PCCB: variants seen among roughly 807,000 people sequenced by gnomAD.
The protein encoded by PCCB is propionyl-CoA carboxylase beta chain, mitochondrial.
In PCCB, 43 loss-of-function variants were observed where a neutral mutation model predicts 60.7. The ratio of observed to expected loss-of-function variants is 0.71; its 90% CI spans 0.55 to 0.91. PCCB has a LOEUF of 0.91. Among genes scored for constraint, PCCB ranks in the 40% least tolerant of loss-of-function variants. PCCB has a pLI of 0.00. For missense variants in PCCB, 766 were observed against 702.8 expected (o/e 1.09, Z -1.02); for synonymous variants, 276 against 255.9 (o/e 1.08, Z -0.75).
At chr3:136,299,490 ATATGCATGTGTATGTATAGG>A (rs1327823896) in intron 8 of PCCB, among the ~76,000 whole-genome samples, 1 of 149,124 alleles carries the variant, frequency 6.7e-6, no homozygotes, top group African/African-American at 2.5e-5. Context: ...GTATGTATGT[ATATGCATGTGTATGTATAGG>A]TATGCATGTG....
At position 136,268,065 on chromosome 3, in the gene PCCB, C is replaced by CGTGTGT. The variant is rs111625326; in HGVS notation, c.543+6015_543+6020dup. 9.6e-4 allele frequency among the ~76,000 whole-genome samples: 75 copies of CGTGTGT among 78,440 alleles called. 1 individual carries two copies. The highest frequency in any genetic ancestry group is 4.2e-3 in the African/African-American group (64 of 15,278). The allele number at this position is 78,440 out of a possible 152,430, so 51.5% of individuals were successfully genotyped here. A position where few individuals can be genotyped will look rare whatever the true frequency, so the allele number is the denominator to read the frequency against. ...AACCTGGCTAGTGTGTGTGTGTGTG[C>CGTGTGT]GTGTGTGTGTGTGTGTGTGTAGATA... On this transcript the variant is annotated intron_variant, in intron 5 of 14. Coordinates refer to ENST00000251654, the MANE Select transcript of PCCB (RefSeq NM_000532.5).
chr3:136,262,938 T>G (rs1054971338), intron 5 of PCCB, among the ~76,000 whole-genome samples: 1 of 150,676 alleles, frequency 6.6e-6, no homozygotes, highest in African/African-American at 2.4e-5. Context: ...AATACATCTT[T>G]ATGGGTCTGG....
At chr3:136,284,535 T>C (rs990494693) in intron 6 of PCCB, among the ~76,000 whole-genome samples, 2 of 152,210 alleles carry the variant, frequency 1.3e-5, no homozygotes, top group African/African-American at 4.8e-5. Flanking sequence ...CAGCCTTTTC[T>C]TCTTAAAATA....
At chr3:136,280,497 C>T (rs557161635) in intron 5 of PCCB, among the ~76,000 whole-genome samples, 6 of 152,140 alleles carry the variant, frequency 3.9e-5, no homozygotes, top group Non-Finnish European at 8.8e-5. Context: ...AGGCATGCAC[C>T]ACCATGCCTA....
rs1392688344 is a variant in PCCB at position 136,283,966 on chromosome 3, T to C, written c.654+19T>C. 6.8e-7 allele frequency: 1 copy of C among 1,475,764 alleles called. No homozygotes were observed. Among genetic ancestry groups the C allele is most frequent in the African/African-American group, 1.4e-5 (1 of 72,306 alleles). 91.4% of individuals were successfully genotyped at this position (1,475,764 alleles called of 1,614,324 possible). A position where few individuals can be genotyped will look rare whatever the true frequency, so the allele number is the denominator to read the frequency against. On this transcript the variant is annotated intron_variant, in intron 6 of 14. Transcript: ENST00000251654. The stretch of plus-strand genomic sequence containing the variant: ...GGTAAAGGTAAGAAAGAAGGGCCTG[T>C]TTTTGGTGCCGTTTGAGATTTGTGC...
chr3:136,305,967 C>G lies in PCCB; in HGVS notation c.966+4856C>G, dbSNP rs1395808110. On this transcript the variant is annotated intron_variant, in intron 9 of 14. Transcript: ENST00000251654. Reference sequence around the variant, plus strand: ...TACATTTATGTACCTGCAAGACATACAAAATCGAATACACTGAAGGACACT... The same window carrying G: ...TACATTTATGTACCTGCAAGACATAGAAAATCGAATACACTGAAGGACACT... Among the ~76,000 whole-genome samples, 4 of 120,736 alleles carry G rather than the reference C, an allele frequency of 3.3e-5. 2 individuals are homozygous for G. The highest frequency in any genetic ancestry group is 7.4e-5 in the Non-Finnish European group (4 of 54,340). 79.2% of individuals were successfully genotyped at this position (120,736 alleles called of 152,430 possible). A position where few individuals can be genotyped will look rare whatever the true frequency, so the allele number is the denominator to read the frequency against.
intron 5 of PCCB, among the ~76,000 whole-genome samples, chr3:136,275,667 TA>T (rs1168223841): frequency 6.6e-6 from 1 of 152,232 alleles, no homozygotes; most frequent in Non-Finnish European, 1.5e-5. Context: ...TATTATAGCC[TA>T]ATGTGATTCT....
At chr3:136,299,144 G>A (rs758938063) in intron 8 of PCCB, among the ~76,000 whole-genome samples, 5 of 151,964 alleles carry the variant, frequency 3.3e-5, no homozygotes, top group Admixed American at 6.6e-5. Context: ...TGCATAGCCC[G>A]CTTTGGCCCA....
At chr3:136,312,615 G>T (rs1170885149) in intron 9 of PCCB, among the ~76,000 whole-genome samples, 4 of 152,100 alleles carry the variant, frequency 2.6e-5, no homozygotes, top group African/African-American at 9.7e-5. Context: ...CTACAAATGG[G>T]TCAGAAAACT....
intron 5 of PCCB, among the ~76,000 whole-genome samples, chr3:136,268,087 G>GATATATATATATATATAT (rs61160895): frequency 3.4e-4 from 32 of 93,756 alleles, no homozygotes; most frequent in Non-Finnish European, 4.4e-4. Context: ...TGTGTGTGTA[G>GATATATATATATATATAT]ATATATATAT....
intron 9 of PCCB, among the ~76,000 whole-genome samples, chr3:136,309,779 G>A (rs1326295983): frequency 1.3e-5 from 2 of 151,582 alleles, no homozygotes; most frequent in Non-Finnish European, 2.9e-5. Flanking sequence ...TCCAGCCTGG[G>A]CAACATAGTG....
intron 10 of PCCB, among the ~76,000 whole-genome samples, chr3:136,318,338 C>T (rs1292695522): frequency 1.3e-5 from 2 of 151,958 alleles, no homozygotes; most frequent in Admixed American, 6.6e-5. Context: ...TACAGTGAGC[C>T]GAGATCACGC....
At chr3:136,282,933 C>T (rs1424934708) in intron 5 of PCCB, among the ~76,000 whole-genome samples, 1 of 152,044 alleles carries the variant, frequency 6.6e-6, no homozygotes, top group East Asian at 1.9e-4. Context: ...TTTTTAGAAC[C>T]CCAAAATACT....
At chr3:136,269,993 GT>G (rs1295104465) in intron 5 of PCCB, among the ~76,000 whole-genome samples, 1,956 of 127,338 alleles carry the variant, frequency 0.015, 30 homozygotes, top group East Asian at 0.075. Context: ...ACTGGTGTGT[GT>G]TTTTTTTTTT....
chr3:136,274,824 CT>C (rs796392217), intron 5 of PCCB, among the ~76,000 whole-genome samples: 143 of 145,128 alleles, frequency 9.9e-4, no homozygotes, highest in Middle Eastern at 7.1e-3. Context: ...TTTCTTCTTT[CT>C]TTTTTTTTTT....
chr3:136,298,168 T>C, intron 8 of PCCB, 96 bp downstream of exon 8: 1 of 1,517,830 alleles, frequency 6.6e-7, no homozygotes, highest in Non-Finnish European at 9.1e-7. Flanking sequence ...GTTGGGCAAG[T>C]TGCAGCAGAG....
At chr3:136,309,622 A>C (rs1424407695) in intron 9 of PCCB, among the ~76,000 whole-genome samples, 1 of 152,030 alleles carries the variant, frequency 6.6e-6, no homozygotes, top group Admixed American at 6.6e-5. Context: ...CAACATAGTG[A>C]GTCCCTGTCT....
intron 8 of PCCB, among the ~76,000 whole-genome samples, chr3:136,298,888 C>T (rs989117377): frequency 2.0e-5 from 3 of 152,182 alleles, no homozygotes; most frequent in Non-Finnish European, 4.4e-5. Flanking sequence ...ACCTGGACTC[C>T]TTCCTGTGGG....
chr3:136,297,447 T>G (rs181898496), intron 7 of PCCB, among the ~76,000 whole-genome samples: 162 of 152,292 alleles, frequency 1.1e-3, no homozygotes, highest in Non-Finnish European at 1.8e-3. Flanking sequence ...ATGGCTTGAT[T>G]CTCACTAGGG....
Sources: gnomAD v4.1 joint callset for allele counts (sites outside exome capture counted in the v4.1 genomes callset) on GRCh38, gnomAD v4.1.1 for gene constraint, MANE v1.5 for transcripts, NCBI Gene and HGNC (gene_info 2026-07-23, HGNC 2026-07-21) for gene names.